Variants in LOXL1 observed in about 807,000 individuals in gnomAD.
The protein encoded by LOXL1 is lysyl oxidase homolog 1.
Under a neutral mutation model 62.2 loss-of-function variants are expected in LOXL1, and 31 were observed. That is an observed-to-expected ratio of 0.50 (90% CI 0.37 to 0.67). The LOEUF (loss-of-function observed/expected upper bound fraction) is 0.67, where lower values mean the gene tolerates loss of function less well. Ranked by LOEUF, LOXL1 falls within the 30% of genes least tolerant of loss-of-function variation. LOXL1 has a pLI of 0.00. For synonymous variants in LOXL1, 403 were observed against 384.4 expected, an observed-to-expected ratio of 1.05 and a Z score of -0.56; for missense variants, 775 against 843.4, an observed-to-expected ratio of 0.92 and a Z score of 1.00.
Position 73,930,810 on chromosome 15 carries a change from C to T in LOXL1, c.1102+2925C>T, listed in dbSNP as rs549493740. Reference sequence around the variant, plus strand: ...GCCCAAGGCTTCCTGCAGTACCATTCTCTCCAACTCTGAAACATGAAACTG... The same window carrying T: ...GCCCAAGGCTTCCTGCAGTACCATTTTCTCCAACTCTGAAACATGAAACTG... On this transcript the variant is annotated intron_variant, in intron 1 of 6. Transcript: ENST00000261921. This position sits in a 1 kb window ranked among gnomAD's most constrained non-coding sequence, Gnocchi z 4.7. 6.6e-6 allele frequency among the ~76,000 whole-genome samples: 1 copy of T among 152,272 alleles called. No individual in the cohort carries two copies. Among genetic ancestry groups the T allele is most frequent in the South Asian group, 2.1e-4 (1 of 4,824 alleles).
At chr15:73,935,338 T>TA (rs1217461962) in intron 1 of LOXL1, among the ~76,000 whole-genome samples, 1 of 152,038 alleles carries the variant, frequency 6.6e-6, no homozygotes, top group Admixed American at 6.5e-5. Context: ...CTGGGTTGGA[T>TA]ATGGGGTATG....
chr15:73,938,319 G>C lies in LOXL1; in HGVS notation c.1103-4535G>C, dbSNP rs59755145. ...TCTATCTATCTATCTATCTATCTAG[G>C]TAGATAGATAGAACAGGAGGCCAGC... On this transcript the variant is annotated intron_variant, in intron 1 of 6. Coordinates refer to ENST00000261921, the MANE Select transcript of LOXL1 (RefSeq NM_005576.4). Among the ~76,000 whole-genome samples the C allele has an allele frequency of 5.4e-3, 495 of 91,050 alleles. 2 individuals carry two copies. Among genetic ancestry groups the C allele is most frequent in the African/African-American group, 0.017 (343 of 20,466 alleles). The allele number at this position is 91,050 out of a possible 152,430, so 59.7% of individuals were successfully genotyped here. A position where few individuals can be genotyped will look rare whatever the true frequency, so the allele number is the denominator to read the frequency against.
chr15:73,950,439 C>G (rs998811748), intron 6 of LOXL1, among the ~76,000 whole-genome samples: 7 of 152,168 alleles, frequency 4.6e-5, no homozygotes, highest in African/African-American at 1.7e-4. Context: ...GAGATTAAGC[C>G]TATGACTATG....
intron 1 of LOXL1, among the ~76,000 whole-genome samples, chr15:73,937,473 G>A (rs2068682094): frequency 6.6e-6 from 1 of 152,236 alleles, no homozygotes; most frequent in South Asian, 2.1e-4. Flanking sequence ...CCCCAGCCGA[G>A]CATCCTGGCT....
Position 73,942,957 on chromosome 15 carries a change from G to A in LOXL1, c.1206G>A (p.Leu402=). The change falls in exon 2 of 7, where the codon CTG becomes CTA. Residue 402 remains leucine (L), a synonymous_variant. Transcript: ENST00000261921. The part of the protein sequence containing the change: ...SLRCAAEEKC[L]ASTAYAPEAT... ...GCTGTGCTGCGGAGGAGAAGTGTCT[G>A]GCCAGGTAAGGAGCTGAGGCAGAAG... is the stretch of plus-strand genomic sequence containing the variant. 6.2e-7 allele frequency: 1 copy of A among 1,612,516 alleles called. No homozygotes were observed. The highest frequency in any genetic ancestry group is 8.5e-7 in the Non-Finnish European group (1 of 1,178,616).
rs139922201 is a variant in LOXL1, at chr15:73,942,113, A to T, written c.1103-741A>T. The T allele has an allele frequency of 6.7e-3, 1,040 of 154,328 alleles. 6 individuals carry two copies. The highest frequency in any genetic ancestry group is 0.012 in the South Asian group (62 of 5,220). The allele number at this position is 154,328 out of a possible 1,614,324, so 9.6% of individuals were successfully genotyped here. ...GGGTGTGGTCAGGTCTAGGGTGATG[A>T]TGGCAGGAAGTGGTGGCAGGTGATG... On this transcript the variant is annotated intron_variant, in intron 1 of 6. Coordinates refer to ENST00000261921, the MANE Select transcript of LOXL1 (RefSeq NM_005576.4).
chr15:73,947,949 C>A, intron 5 of LOXL1, 47 bp downstream of exon 5: 1 of 1,388,822 alleles, frequency 7.2e-7, no homozygotes, highest in Non-Finnish European at 1.0e-6. Flanking sequence ...ATGTTCATGT[C>A]CAATGTCCCC....
intron 6 of LOXL1, among the ~76,000 whole-genome samples, 163 bp downstream of exon 6, chr15:73,949,737 A>G (rs935766135): frequency 3.9e-5 from 6 of 152,088 alleles, no homozygotes; most frequent in Admixed American, 1.3e-4. Flanking sequence ...TGCCAACCCC[A>G]AGCTGAGTGT....
chr15:73,941,620 C>T (rs1272509641), intron 1 of LOXL1, among the ~76,000 whole-genome samples: 2 of 152,162 alleles, frequency 1.3e-5, no homozygotes, highest in African/African-American at 4.8e-5. Context: ...AGCTTACAGC[C>T]TCATCTTATC....
chr15:73,947,616 G>T, intron 4 of LOXL1, 191 bp from the exon 5 acceptor site: 1 of 526,814 alleles, frequency 1.9e-6, no homozygotes, highest in South Asian at 2.8e-5. Context: ...CTGGCTATTA[G>T]ATATCTGTCT....
intron 5 of LOXL1, among the ~76,000 whole-genome samples, chr15:73,949,195 G>T (rs2068767536): frequency 6.6e-6 from 1 of 152,140 alleles, no homozygotes; most frequent in African/African-American, 2.4e-5. Flanking sequence ...GACCCCAAAT[G>T]CCCCATGCGG....
intron 1 of LOXL1, among the ~76,000 whole-genome samples, chr15:73,932,393 T>A (rs1444631165): frequency 6.6e-6 from 1 of 151,134 alleles, no homozygotes. Context: ...ACCATGCATT[T>A]AAAAAAAAAA....
chr15:73,944,952 C>T (rs902056218), intron 2 of LOXL1, among the ~76,000 whole-genome samples: 6 of 152,188 alleles, frequency 3.9e-5, no homozygotes, highest in African/African-American at 1.4e-4. Flanking sequence ...TCCCCTCTGG[C>T]CTTAGGATCG....
At position 73,926,795 on chromosome 15, in the gene LOXL1, C is replaced by A; in HGVS notation, c.12C>A (p.Ala4=). 1 of 1,471,634 alleles carries A rather than the reference C, an allele frequency of 6.8e-7. No individual in the cohort carries two copies. 91.2% of individuals were successfully genotyped at this position (1,471,634 alleles called of 1,614,324 possible). A position where few individuals can be genotyped will look rare whatever the true frequency, so the allele number is the denominator to read the frequency against. ...GCAGAGGGGTCACCATGGCTCTGGC[C>A]CGAGGCAGCCGGCAGCTGGGGGCCC... MAL[A]RGSRQLGALV... The change falls in exon 1 of 7, where the codon GCC becomes GCA. Residue 4 remains alanine (A), a synonymous_variant. Transcript: ENST00000261921.
chr15:73,942,829 C>G (rs367594839), intron 1 of LOXL1, 25 bp from the exon 2 acceptor site: 146 of 1,430,150 alleles, frequency 1.0e-4, no homozygotes, highest in Middle Eastern at 1.7e-4. Context: ...CTCCCTCCCC[C>G]CTTCTCTCCC....
At chr15:73,937,387 T>C (rs1045584111) in intron 1 of LOXL1, among the ~76,000 whole-genome samples, 1 of 152,204 alleles carries the variant, frequency 6.6e-6, no homozygotes, top group African/African-American at 2.4e-5. Flanking sequence ...CTAAAAGGCT[T>C]ACCCCACATC....
intron 1 of LOXL1, among the ~76,000 whole-genome samples, chr15:73,934,173 A>G (rs1265804484): frequency 6.6e-6 from 1 of 152,258 alleles, no homozygotes; most frequent in Non-Finnish European, 1.5e-5. Flanking sequence ...TTCCAAACCC[A>G]ACGCAAATCT....
intron 1 of LOXL1, among the ~76,000 whole-genome samples, chr15:73,932,899 G>A (rs552825462): frequency 1.3e-5 from 2 of 152,204 alleles, no homozygotes; most frequent in African/African-American, 2.4e-5. Context: ...CTGTGGAAAC[G>A]GAGGGTTCTG....
At position 73,934,680 on chromosome 15, in the gene LOXL1, A is replaced by T. The variant is rs766115022; in HGVS notation, c.1102+6795A>T. ...GCTGGGCACCGTTCTAGAGCTGGGTATTCATTCGTGAAAAGAAAGAGACAA... is the reference window on the plus strand; with the variant it reads ...GCTGGGCACCGTTCTAGAGCTGGGTTTTCATTCGTGAAAAGAAAGAGACAA... On this transcript the variant is annotated intron_variant, in intron 1 of 6. Transcript: ENST00000261921. Among the ~76,000 whole-genome samples, 239 of 152,294 alleles carry T rather than the reference A, an allele frequency of 1.6e-3. 1 individual carries two copies. Among genetic ancestry groups the T allele is most frequent in the Non-Finnish European group, 2.1e-3 (144 of 68,038 alleles).
Sources: gnomAD v4.1 joint callset for allele counts (sites outside exome capture counted in the v4.1 genomes callset) on GRCh38, gnomAD v4.1.1 for gene constraint, Gnocchi (gnomAD v3.1) non-coding constraint, MANE v1.5 for transcripts, NCBI Gene and HGNC (gene_info 2026-07-23, HGNC 2026-07-21) for gene names.